SLC30A10: variants seen among roughly 807,000 people sequenced by gnomAD.
SLC30A10 encodes the protein calcium/manganese antiporter SLC30A10.
SLC30A10 carries 8 observed loss-of-function variants against 21.7 expected under a neutral mutation model. The observed-to-expected ratio is 0.37, with a 90% confidence interval of 0.22 to 0.67. The LOEUF is 0.67. SLC30A10 is among the 30% of genes least tolerant of loss of function. The probability of loss-of-function intolerance (pLI) is 0.58; values close to 1 mark genes in which losing one functional copy is unlikely to be tolerated. For missense variants in SLC30A10, 521 were observed against 642.5 expected, an observed-to-expected ratio of 0.81 and a Z score of 2.04; for synonymous variants, 272 against 279.4, an observed-to-expected ratio of 0.97 and a Z score of 0.26.
intron 1 of SLC30A10, among the ~76,000 whole-genome samples, chr1:219,944,918 T>C (rs1183196578): frequency 1.3e-5 from 2 of 152,164 alleles, no homozygotes; most frequent in Non-Finnish European, 2.9e-5. Context: ...AACACACCAC[T>C]TAAAAGACAG....
At chr1:219,920,407 T>C (rs78022668) in intron 2 of SLC30A10, among the ~76,000 whole-genome samples, 3,651 of 152,276 alleles carry the variant, frequency 0.024, 129 homozygotes, top group African/African-American at 0.08. Flanking sequence ...ACATGTGATG[T>C]CATGTTTACT....
chr1:219,952,889 CTA>C (rs1442709559), intron 1 of SLC30A10, among the ~76,000 whole-genome samples: 1 of 152,140 alleles, frequency 6.6e-6, no homozygotes, highest in East Asian at 1.9e-4. Flanking sequence ...ACCTATTTTT[CTA>C]TCTTCCTTTA....
chr1:219,925,651 A>ATATATATATATATATATATTT (rs1317554458), intron 2 of SLC30A10, among the ~76,000 whole-genome samples: 2 of 48,280 alleles, frequency 4.1e-5, no homozygotes, highest in African/African-American at 2.3e-4. Flanking sequence ...ATATATATAT[A>ATATATATATATATATATATTT]TTTTTTTTTT....
chr1:219,922,176 G>GTTTTTTTT (rs869249213), intron 2 of SLC30A10, among the ~76,000 whole-genome samples: 24 of 36,430 alleles, frequency 6.6e-4, no homozygotes, highest in Admixed American at 7.3e-4. Flanking sequence ...GTGTGTGTGT[G>GTTTTTTTT]TTTTTTTTTT....
Position 219,918,009 on chromosome 1 carries a change from A to G in SLC30A10, c.958+246T>C, listed in dbSNP as rs1659587507. ...ATTACAGGCGTGAGCCACCATGCCC[A>G]GACCAAGTATTGCATTCTTAAAAAT... is the stretch of plus-strand genomic sequence containing the variant. On this transcript the variant is annotated intron_variant, in intron 3 of 3. Transcript: ENST00000366926. This position sits in a 1 kb window ranked among gnomAD's most constrained non-coding sequence, Gnocchi z 4.4. Among the ~76,000 whole-genome samples the G allele has an allele frequency of 1.3e-5, 2 of 152,150 alleles. No homozygotes were observed. Among genetic ancestry groups the G allele is most frequent in the Non-Finnish European group, 2.9e-5 (2 of 68,004 alleles).
intron 1 of SLC30A10, among the ~76,000 whole-genome samples, chr1:219,950,297 T>G (rs1173467664): frequency 1.3e-5 from 2 of 152,198 alleles, no homozygotes; most frequent in Non-Finnish European, 2.9e-5. Context: ...TGCTACAAAA[T>G]GCCATCTTGA....
At chr1:219,947,311 T>C (rs1660199224) in intron 1 of SLC30A10, among the ~76,000 whole-genome samples, 1 of 152,118 alleles carries the variant, frequency 6.6e-6, no homozygotes, top group South Asian at 2.1e-4. Context: ...GAAGGATTGC[T>C]TGAGGGCAGG....
At chr1:219,956,469 C>A (rs17006909) in intron 1 of SLC30A10, among the ~76,000 whole-genome samples, 70,149 of 151,498 alleles carry the variant, frequency 0.46, 16,285 homozygotes, top group South Asian at 0.53. Context: ...CACTATATAG[C>A]ATCAAATACT....
At chr1:219,916,000 A>G in intron 3 of SLC30A10, 52 bp from the exon 4 acceptor site, 3 of 1,572,480 alleles carry the variant, frequency 1.9e-6, no homozygotes, top group South Asian at 1.2e-5. Flanking sequence ...CATTTGAAAC[A>G]TGGAACTACA....
At chr1:219,922,816 C>A (rs945195362) in intron 2 of SLC30A10, among the ~76,000 whole-genome samples, 1 of 152,212 alleles carries the variant, frequency 6.6e-6, no homozygotes, top group South Asian at 2.1e-4. Flanking sequence ...CCATGTGATC[C>A]GCACAACACA....
upstream of SLC30A10, among the ~76,000 whole-genome samples, chr1:219,929,494 C>T (rs1659931948): frequency 6.6e-6 from 1 of 151,984 alleles, no homozygotes; most frequent in Admixed American, 6.6e-5. Context: ...AATCGACTGA[C>T]CTACATGAAG....
rs1659427842 is a variant in SLC30A10, at chr1:219,912,169, GCAA to G, written c.*3277_*3279del. 2.5e-5 allele frequency among the ~76,000 whole-genome samples: 1 copy of G among 40,466 alleles called. No homozygotes were observed. 26.5% of individuals were successfully genotyped at this position (40,466 alleles called of 152,430 possible). On this transcript the variant is annotated 3_prime_UTR_variant, in exon 4 of 4. Coordinates refer to ENST00000366926, the MANE Select transcript of SLC30A10 (RefSeq NM_018713.3). ...ACCACTGGAATTTGCTCTACCAATG[GCAA>G]AAAAAAAAAAAAAAAAAAAAAAAAG...
At chr1:219,944,777 AAAT>A (rs1158082091) in intron 1 of SLC30A10, among the ~76,000 whole-genome samples, 1 of 152,212 alleles carries the variant, frequency 6.6e-6, no homozygotes, top group Non-Finnish European at 1.5e-5. Context: ...ATGAAATTCT[AAAT>A]AATGTTCACA....
chr1:219,949,148 C>T (rs924102818), intron 1 of SLC30A10, among the ~76,000 whole-genome samples: 5 of 152,210 alleles, frequency 3.3e-5, no homozygotes, highest in East Asian at 1.9e-4. Context: ...AACACTTTTA[C>T]ACTGTTGGTG....
At chr1:219,947,980 G>A (rs112663341) in intron 1 of SLC30A10, among the ~76,000 whole-genome samples, 6,453 of 151,626 alleles carry the variant, frequency 0.043, 331 homozygotes, top group African/African-American at 0.13. Context: ...GACAAACAGA[G>A]AGCCAAATCA....
intron 1 of SLC30A10, among the ~76,000 whole-genome samples, chr1:219,936,784 A>G (rs974676943): frequency 6.6e-6 from 1 of 152,170 alleles, no homozygotes; most frequent in African/African-American, 2.4e-5. Context: ...TCCTTCTTCA[A>G]TTACGCTCCT....
At chr1:219,951,581 T>C (rs1361804866) in intron 1 of SLC30A10, among the ~76,000 whole-genome samples, 4 of 150,554 alleles carry the variant, frequency 2.7e-5, no homozygotes, top group South Asian at 4.2e-4. Flanking sequence ...ATTAGCCGGG[T>C]GTGGTGGCGG....
At chr1:219,915,984 G>C (rs1398504440) in intron 3 of SLC30A10, 36 bp from the exon 4 acceptor site, 5 of 1,587,166 alleles carry the variant, frequency 3.2e-6, no homozygotes, top group Non-Finnish European at 4.3e-6. Flanking sequence ...GCCAAGGTGA[G>C]CGCTGCATTT....
At chr1:219,938,404 T>G (rs952622803) in intron 1 of SLC30A10, among the ~76,000 whole-genome samples, 1 of 152,174 alleles carries the variant, frequency 6.6e-6, no homozygotes, top group Non-Finnish European at 1.5e-5. Context: ...CAGGATCACT[T>G]CTCTGTCCAG....
Sources: allele counts gnomAD v4.1 joint callset (sites outside exome capture counted in the v4.1 genomes callset), GRCh38; gene constraint gnomAD v4.1.1; non-coding constraint Gnocchi (gnomAD v3.1); transcripts MANE v1.5; gene names NCBI Gene and HGNC (gene_info 2026-07-23, HGNC 2026-07-21).